CHD7: variants seen among roughly 807,000 people sequenced by gnomAD.
CHD7 encodes the protein ATP-dependent chromatin remodeler CHD7.
A neutral mutation model predicts 307.3 loss-of-function variants in CHD7; 24 were observed. The ratio of observed to expected loss-of-function variants is 0.08; its 90% CI spans 0.06 to 0.11. CHD7 has a LOEUF of 0.11. CHD7 is among the 10% of genes least tolerant of loss of function. The pLI is 1.00. For missense variants in CHD7, 3,106 were observed against 3,727.1 expected, an observed-to-expected ratio of 0.83 and a Z score of 4.34; for synonymous variants, 1,363 against 1,349.9, an observed-to-expected ratio of 1.01 and a Z score of -0.21.
rs1001403179 is a variant in CHD7, at chr8:60,742,736, C to T, written c.1304C>T (p.Pro435Leu). 3.1e-6 allele frequency: 5 copies of T among 1,613,886 alleles called. No homozygotes were observed. In the African/African-American group the frequency reaches 5.3e-5, roughly 17 times the overall value. ...GSYPNMPHPQ[P>L]SHQPPGAMGI... ...TATCCAAATATGCCCCATCCTCAGC[C>T]ATCTCACCAGCCCCCTGGTGCCATG... Residue 435 changes from proline (P) to leucine (L), a missense_variant, in exon 2 of 38, where the codon CCA becomes CTA. This residue lies in a region of CHD7 where 998 missense variants were observed against 1,004.5 expected (regional missense o/e 0.99). Coordinates refer to ENST00000423902, the MANE Select transcript of CHD7 (RefSeq NM_017780.4).
Position 60,819,810 on chromosome 8 carries a change from C to T in CHD7, c.2614-197C>T, listed in dbSNP as rs140910117. ...CACGGTAATTAAAAGACCCAGTTAA[C>T]GAAGTCTGAGAAGTCTGATTTCCTC... On this transcript the variant is annotated intron_variant, in intron 8 of 37. Coordinates refer to ENST00000423902, the MANE Select transcript of CHD7 (RefSeq NM_017780.4). Among the ~76,000 whole-genome samples the T allele has an allele frequency of 9.2e-5, 14 of 152,292 alleles. No homozygotes were observed. In the East Asian group the frequency reaches 1.7e-3, roughly 19 times the overall value.
chr8:60,788,798 G>A lies in CHD7; in HGVS notation c.2097-6188G>A, dbSNP rs540777399. Among the ~76,000 whole-genome samples the A allele has an allele frequency of 9.2e-5, 14 of 152,292 alleles. No homozygotes were observed. The South Asian group carries it at 2.9e-3, about 32-fold the overall frequency. On this transcript the variant is annotated intron_variant, in intron 3 of 37. Transcript: ENST00000423902. ...TTGGTGTGAAGTTGTTGACCTCTGG[G>A]TTTATTATCTGCCATTCAGAGTTTG... is the stretch of plus-strand genomic sequence containing the variant.
At position 60,830,005 on chromosome 8, in the gene CHD7, A is replaced by G. The variant is rs553032272; in HGVS notation, c.3523-317A>G. Among the ~76,000 whole-genome samples the G allele has an allele frequency of 8.5e-5, 13 of 152,280 alleles. No individual in the cohort carries two copies. In the South Asian group the frequency reaches 1.0e-3, roughly 12 times the overall value. On this transcript the variant is annotated intron_variant, in intron 14 of 37. Coordinates refer to ENST00000423902, the MANE Select transcript of CHD7 (RefSeq NM_017780.4). The stretch of plus-strand genomic sequence containing the variant: ...TGACATTGTCTTGTCCCTCTTCTCT[A>G]TCTTCCCTATGGCTTAGGACAAACA...
chr8:60,800,292 A>G (rs1812237430), intron 4 of CHD7, 96 bp from the exon 5 acceptor site: 1 of 1,293,304 alleles, frequency 7.7e-7, no homozygotes, highest in Non-Finnish European at 1.1e-6. Context: ...TCGGCCTCCC[A>G]AAGTGCTGGG....
chr8:60,730,464 T>G (rs75756215), intron 1 of CHD7, among the ~76,000 whole-genome samples: 6,340 of 152,334 alleles, frequency 0.042, 168 homozygotes, highest in Non-Finnish European at 0.059. Flanking sequence ...TAATGATAAA[T>G]GTAGGTACAG....
intron 1 of CHD7, among the ~76,000 whole-genome samples, chr8:60,692,988 C>T (rs1202705961): frequency 1.3e-5 from 2 of 152,224 alleles, no homozygotes; most frequent in African/African-American, 4.8e-5. Context: ...CATAACAACT[C>T]CTTCTTCCTG....
intron 1 of CHD7, among the ~76,000 whole-genome samples, chr8:60,697,850 G>C (rs1016709966): frequency 6.6e-6 from 1 of 152,214 alleles, no homozygotes; most frequent in Non-Finnish European, 1.5e-5. Flanking sequence ...TGCCACCTCT[G>C]ATCTTGCTCC....
chr8:60,859,276 C>G (rs13257536), intron 34 of CHD7, among the ~76,000 whole-genome samples: 21,156 of 152,036 alleles, frequency 0.14, 3,158 homozygotes, highest in African/African-American at 0.38. Context: ...ATGTAAAGGC[C>G]AGCAGTGTTA....
At chr8:60,819,596 G>A (rs1269377745) in intron 8 of CHD7, among the ~76,000 whole-genome samples, 1 of 152,124 alleles carries the variant, frequency 6.6e-6, no homozygotes, top group Non-Finnish European at 1.5e-5. Context: ...ATAAGGCATC[G>A]GACAACTCCA....
At chr8:60,803,566 T>G (rs1372933027) in intron 6 of CHD7, among the ~76,000 whole-genome samples, 1 of 152,156 alleles carries the variant, frequency 6.6e-6, no homozygotes, top group Non-Finnish European at 1.5e-5. Flanking sequence ...AATTTGAAGC[T>G]GGAGAAAATT....
Position 60,742,741 on chromosome 8 carries a change from C to T in CHD7, c.1309C>T (p.His437Tyr), listed in dbSNP as rs1461912534. ...YPNMPHPQPS[H>Y]QPPGAMGIGQ... ...AAATATGCCCCATCCTCAGCCATCT[C>T]ACCAGCCCCCTGGTGCCATGGGAAT... Residue 437 changes from histidine to tyrosine, a missense_variant, in exon 2 of 38, where the codon CAC (histidine) becomes TAC (tyrosine). Transcript: ENST00000423902. The T allele has an allele frequency of 1.9e-6, 3 of 1,614,028 alleles. No individual in the cohort carries two copies. Among genetic ancestry groups the T allele is most frequent in the East Asian group, 4.5e-5 (2 of 44,886 alleles).
At chr8:60,829,300 G>A (rs181020395) in intron 14 of CHD7, among the ~76,000 whole-genome samples, 3 of 152,296 alleles carry the variant, frequency 2.0e-5, no homozygotes, top group East Asian at 1.9e-4. Context: ...ATGAAGCATT[G>A]TGTATAAAAA....
At chr8:60,791,442 A>G (rs1811766976) in intron 3 of CHD7, among the ~76,000 whole-genome samples, 1 of 152,194 alleles carries the variant, frequency 6.6e-6, no homozygotes, top group Admixed American at 6.5e-5. Context: ...CTTATCTTCA[A>G]TATTGCAATG....
In CHD7 at chr8:60,822,168, C is replaced by T. The variant is rs779136143; in HGVS notation, c.2957+23C>T. 4 of 1,593,070 alleles carry T rather than the reference C, an allele frequency of 2.5e-6. No individual in the cohort carries two copies. The Admixed American group carries it at 7.0e-5, about 28-fold the overall frequency. ...CATGTATGTAAAACAAGTTTTTCTT[C>T]ACTTTTAAATATATCTGTAGTTCCT... On this transcript the variant is annotated intron_variant, in intron 11 of 37. Transcript: ENST00000423902.
intron 2 of CHD7, among the ~76,000 whole-genome samples, chr8:60,744,899 C>T (rs1192966790): frequency 6.6e-6 from 1 of 150,420 alleles, no homozygotes; most frequent in Admixed American, 6.6e-5. Flanking sequence ...TTCACGCAGG[C>T]ATTTAATACA....
chr8:60,735,869 C>T (rs1808678339), intron 1 of CHD7, among the ~76,000 whole-genome samples: 1 of 152,206 alleles, frequency 6.6e-6, no homozygotes, highest in African/African-American at 2.4e-5. Context: ...TAGCCACCAA[C>T]CACATGTGGC....
In CHD7 at chr8:60,718,694, A is replaced by G. The variant is rs548021140; in HGVS notation, c.-174-22565A>G. On this transcript the variant is annotated intron_variant, in intron 1 of 37. Transcript: ENST00000423902. ...TAAATTTATTGAAGAAAGAAAAATT[A>G]ATTTTCATAAATTCATTATAGCCTA... 5.9e-5 allele frequency among the ~76,000 whole-genome samples: 9 copies of G among 152,356 alleles called. No individual in the cohort carries two copies. The South Asian group carries it at 1.2e-3, about 21-fold the overall frequency.
rs1563562017 is a variant in CHD7 at position 60,742,803 on chromosome 8, G to A, written c.1371G>A (p.Gln457=). The change falls in exon 2 of 38, where the codon CAG becomes CAA. Residue 457 remains glutamine (Q), a synonymous_variant. Transcript: ENST00000423902. The part of the protein sequence containing the change: ...QRNMGPRNMQ[Q]SRPFIGMSSA... ...ATATGGGCCCCAGAAACATGCAGCA[G>A]TCTCGTCCATTTATAGGCATGTCCT... 2 of 1,614,036 alleles carry A rather than the reference G, an allele frequency of 1.2e-6. No individual in the cohort carries two copies. Among genetic ancestry groups the A allele is most frequent in the African/African-American group, 2.7e-5 (2 of 75,058 alleles).
Position 60,852,697 on chromosome 8 carries a change from C to G in CHD7, c.6094C>G (p.Pro2032Ala). Reference protein sequence around the residue: ...CRRVCRMPVKPDDEPPDLSSI... With the variant: ...CRRVCRMPVKADDEPPDLSSI... Reference sequence around the variant, plus strand: ...GCGAGTATGTCGAATGCCCGTCAAGCCAGATGATGGTAGGTACATTTAGCA... The same window carrying G: ...GCGAGTATGTCGAATGCCCGTCAAGGCAGATGATGGTAGGTACATTTAGCA... The change falls in exon 30 of 38, where the codon CCA (proline) becomes GCA (alanine). Residue 2032 changes from proline to alanine, a missense_variant. Pro to Ala is a conservative substitution (Grantham distance 27). Around this residue, in one of 10 missense-constraint regions of CHD7, gnomAD observed 1,030 missense variants for 1,165.4 expected, o/e 0.88. Transcript: ENST00000423902. The G allele has an allele frequency of 6.2e-7, 1 of 1,613,718 alleles. No individual in the cohort carries two copies.
Sources: gnomAD v4.1 joint callset for allele counts (sites outside exome capture counted in the v4.1 genomes callset) on GRCh38, gnomAD v4.1.1 for gene constraint, gnomAD v4.1.1 regional missense constraint, MANE v1.5 for transcripts, NCBI Gene and HGNC (gene_info 2026-07-23, HGNC 2026-07-21) for gene names.